GABRA4: variants seen among roughly 807,000 people sequenced by gnomAD.
The protein encoded by GABRA4 is gamma-aminobutyric acid receptor subunit alpha-4.
Under a neutral mutation model 49.7 loss-of-function variants are expected in GABRA4, and 12 were observed. The ratio of observed to expected loss-of-function variants is 0.24; its 90% confidence interval spans 0.15 to 0.39. The LOEUF is 0.39. Ranked by LOEUF, GABRA4 falls within the 10% of genes least tolerant of loss-of-function variation. The pLI is 1.00. For synonymous variants in GABRA4, 288 were observed against 240.2 expected (o/e 1.20, Z -1.84); for missense variants, 506 against 686.0 (o/e 0.74, Z 2.93).
rs1721244428 is a variant in GABRA4, at chr4:46,926,760, A to G, written c.*1465T>C. ...AGATTCAGCTGCATAGACAGTTGCA[A>G]AATTCTCAAGTAAGTTGTTAAGCCT... On this transcript the variant is annotated 3_prime_UTR_variant, in exon 9 of 9. Coordinates refer to ENST00000264318, the MANE Select transcript of GABRA4 (RefSeq NM_000809.4). 1 of 151,950 alleles carries G rather than the reference A, an allele frequency of 6.6e-6. No homozygotes were observed. Among genetic ancestry groups the G allele is most frequent in the Non-Finnish European group, 1.5e-5 (1 of 67,894 alleles). 9.4% of individuals were successfully genotyped at this position (151,950 alleles called of 1,614,324 possible).
chr4:46,980,777 G>A (rs1229247276), intron 2 of GABRA4, among the ~76,000 whole-genome samples: 1 of 152,072 alleles, frequency 6.6e-6, no homozygotes, highest in Non-Finnish European at 1.5e-5. Context: ...GGTAATGTGT[G>A]CTGAACCCTA....
chr4:46,967,256 C>G (rs1232577766), intron 7 of GABRA4, among the ~76,000 whole-genome samples: 3 of 151,218 alleles, frequency 2.0e-5, no homozygotes, highest in Admixed American at 1.3e-4. Context: ...TAATACTACT[C>G]AGTACTCAGA....
At position 46,934,873 on chromosome 4, in the gene GABRA4, GA is replaced by G. The variant is rs539983290; in HGVS notation, c.1135-6119del. Among the ~76,000 whole-genome samples the G allele has an allele frequency of 3.2e-4, 48 of 152,254 alleles. 2 individuals are homozygous for G. In the South Asian group the frequency reaches 8.5e-3, roughly 27 times the overall value. On this transcript the variant is annotated intron_variant, in intron 8 of 8. Coordinates refer to ENST00000264318, the MANE Select transcript of GABRA4 (RefSeq NM_000809.4). ...TGGTCAGAGCAGAGGTTCTTAGCTT[GA>G]TTAAGCAAACTTGTTCAAATGCTAC...
intron 8 of GABRA4, among the ~76,000 whole-genome samples, chr4:46,947,061 C>T (rs899102401): frequency 2.0e-5 from 3 of 151,788 alleles, no homozygotes; most frequent in African/African-American, 7.3e-5. Flanking sequence ...GACTTCCAGG[C>T]ATCCAAGATG....
intron 5 of GABRA4, among the ~76,000 whole-genome samples, chr4:46,976,067 G>C (rs1723130224): frequency 6.6e-6 from 1 of 151,836 alleles, no homozygotes; most frequent in African/African-American, 2.4e-5. Context: ...TCTATTTTTA[G>C]TAGATTCTGA....
intron 6 of GABRA4, 125 bp from the exon 7 acceptor site, chr4:46,971,360 A>G (rs1722943046): frequency 1.3e-6 from 1 of 791,662 alleles, no homozygotes; most frequent in Non-Finnish European, 2.1e-6. Context: ...GTGCATAGCT[A>G]CACAAACATC....
chr4:46,966,223 T>G (rs1040604230), intron 7 of GABRA4, among the ~76,000 whole-genome samples: 1 of 151,762 alleles, frequency 6.6e-6, no homozygotes, highest in Non-Finnish European at 1.5e-5. Flanking sequence ...CTACATCCAT[T>G]TAAACTGATT....
chr4:46,992,023 T>C (rs974101446), intron 2 of GABRA4, among the ~76,000 whole-genome samples: 10 of 152,198 alleles, frequency 6.6e-5, no homozygotes, highest in African/African-American at 1.7e-4. Context: ...AAGTCATTTG[T>C]CCTCGTTGAA....
chr4:46,941,365 A>T (rs1200230984), intron 8 of GABRA4, among the ~76,000 whole-genome samples: 1 of 152,072 alleles, frequency 6.6e-6, no homozygotes, highest in Non-Finnish European at 1.5e-5. Flanking sequence ...AACCTTGGGT[A>T]ACTTATTTAG....
chr4:46,921,693 A>G lies in GABRA4; in HGVS notation c.*6532T>C, dbSNP rs1721042305. On this transcript the variant is annotated 3_prime_UTR_variant, in exon 9 of 9. Transcript: ENST00000264318. ...CAATCCCTGGTCTATTGGAAGTGCA[A>G]ATAACATATGGTGACTCAGTTAAAG... The G allele has an allele frequency of 6.6e-6, 1 of 152,098 alleles. No homozygotes were observed. Among genetic ancestry groups the G allele is most frequent in the Non-Finnish European group, 1.5e-5 (1 of 67,994 alleles). 9.4% of individuals were successfully genotyped at this position (152,098 alleles called of 1,614,324 possible). A position where few individuals can be genotyped will look rare whatever the true frequency, so the allele number is the denominator to read the frequency against.
chr4:46,948,116 T>C (rs1428201633), intron 8 of GABRA4, among the ~76,000 whole-genome samples: 1 of 152,118 alleles, frequency 6.6e-6, no homozygotes, highest in Non-Finnish European at 1.5e-5. Context: ...TCTCAATATA[T>C]CAAGAGGCTT....
intron 8 of GABRA4, among the ~76,000 whole-genome samples, chr4:46,949,528 C>T (rs930714419): frequency 2.6e-5 from 4 of 151,952 alleles, no homozygotes; most frequent in African/African-American, 9.7e-5. Flanking sequence ...TCAAACTATC[C>T]ATTGTAGATT....
At chr4:46,934,669 C>T (rs533954488) in intron 8 of GABRA4, among the ~76,000 whole-genome samples, 2 of 152,262 alleles carry the variant, frequency 1.3e-5, no homozygotes, top group South Asian at 4.1e-4. Flanking sequence ...AGAATCCATT[C>T]ATTTTCCCTT....
chr4:46,951,518 T>C (rs1418094232), intron 8 of GABRA4, among the ~76,000 whole-genome samples: 1 of 151,770 alleles, frequency 6.6e-6, no homozygotes, highest in Non-Finnish European at 1.5e-5. Flanking sequence ...TCCCACTTTG[T>C]AATTAAAGAG....
chr4:46,974,782 A>G (rs1186325481), intron 5 of GABRA4, among the ~76,000 whole-genome samples: 2 of 151,882 alleles, frequency 1.3e-5, no homozygotes, highest in East Asian at 3.9e-4. Flanking sequence ...CCATCCTAAC[A>G]CAGTTCTGCT....
rs779424347 is a variant in GABRA4 at position 46,993,304 on chromosome 4, C to G, written c.86+35G>C. 2.5e-6 allele frequency: 4 copies of G among 1,582,580 alleles called. No homozygotes were observed. The Admixed American group carries it at 6.7e-5, about 26-fold the overall frequency. On this transcript the variant is annotated intron_variant, in intron 1 of 8. Coordinates refer to ENST00000264318, the MANE Select transcript of GABRA4 (RefSeq NM_000809.4). ...CCGGAGCTAGCCATTTCTCCACTTT[C>G]CGTTGCCCACCTCCTCGCACCCCAG... is the stretch of plus-strand genomic sequence containing the variant.
chr4:46,971,837 G>A (rs1211019515), intron 6 of GABRA4, among the ~76,000 whole-genome samples: 4 of 150,476 alleles, frequency 2.7e-5, no homozygotes, highest in Non-Finnish European at 4.4e-5. Flanking sequence ...GAAAAATATA[G>A]ACGTGTATAA....
At chr4:46,956,513 T>C (rs1722369035) in intron 8 of GABRA4, among the ~76,000 whole-genome samples, 1 of 152,056 alleles carries the variant, frequency 6.6e-6, no homozygotes, top group South Asian at 2.1e-4. Context: ...TTCCTTATAA[T>C]GCACAGCTGT....
chr4:46,974,566 T>A (rs1194678118), intron 5 of GABRA4, among the ~76,000 whole-genome samples, 191 bp from the exon 6 acceptor site: 1 of 151,942 alleles, frequency 6.6e-6, no homozygotes, highest in African/African-American at 2.4e-5. Context: ...AACTAGAGAC[T>A]AAGTAAATAC....
Sources: gnomAD v4.1 joint callset for allele counts (sites outside exome capture counted in the v4.1 genomes callset) on GRCh38, gnomAD v4.1.1 for gene constraint, MANE v1.5 for transcripts, NCBI Gene and HGNC (gene_info 2026-07-23, HGNC 2026-07-21) for gene names.